Variants in SPOCK1 observed in about 807,000 individuals in gnomAD.
The protein encoded by SPOCK1 is SPARC (osteonectin), cwcv and kazal like domains proteoglycan 1.
A neutral mutation model predicts 55.3 loss-of-function variants in SPOCK1; 23 were observed. That is an observed-to-expected ratio of 0.42 (90% CI 0.30 to 0.59). The LOEUF (loss-of-function observed/expected upper bound fraction) is 0.59. SPOCK1 is among the 20% of genes least tolerant of loss of function. SPOCK1 has a pLI of 0.22. For missense variants in SPOCK1, 499 were observed against 552.5 expected (o/e 0.90, Z 0.97); for synonymous variants, 226 against 221.0 (o/e 1.02, Z -0.20).
chr5:137,362,799 T>C (rs1271759770), intron 2 of SPOCK1, among the ~76,000 whole-genome samples: 1 of 152,146 alleles, frequency 6.6e-6, no homozygotes, highest in Non-Finnish European at 1.5e-5. Context: ...ACAGGGCAGA[T>C]TTGGCCTGAG....
chr5:137,288,119 A>T (rs1757300734), intron 2 of SPOCK1, among the ~76,000 whole-genome samples: 2 of 152,164 alleles, frequency 1.3e-5, no homozygotes, highest in African/African-American at 4.8e-5. Context: ...GATGGTGCTC[A>T]CTCAGCAACA....
intron 5 of SPOCK1, among the ~76,000 whole-genome samples, chr5:137,091,025 A>AGGATCCTCT (rs1233068479): frequency 6.6e-6 from 1 of 152,218 alleles, no homozygotes; most frequent in Non-Finnish European, 1.5e-5. Context: ...ATGGGGCCAC[A>AGGATCCTCT]GGATCCTCTG....
At chr5:137,179,494 C>A (rs184489932) in intron 3 of SPOCK1, among the ~76,000 whole-genome samples, 14 of 152,308 alleles carry the variant, frequency 9.2e-5, no homozygotes, top group Admixed American at 4.6e-4. Flanking sequence ...ATCAGACCAC[C>A]CTAGGCACTT....
At chr5:137,430,970 C>A (rs1052894286) in intron 2 of SPOCK1, among the ~76,000 whole-genome samples, 1 of 152,162 alleles carries the variant, frequency 6.6e-6, no homozygotes, top group Admixed American at 6.5e-5. Context: ...AAAGCTTTTG[C>A]TTTAATTTTT....
At position 137,426,303 on chromosome 5, in the gene SPOCK1, G is replaced by A. The variant is rs115849331; in HGVS notation, c.186+72070C>T. On this transcript the variant is annotated intron_variant, in intron 2 of 10. Transcript: ENST00000394945. Reference sequence around the variant, plus strand: ...TTTACATATCAACTGCAGTCCATTTGGTGATAAGATTATCAACTGCTTACT... The same window carrying A: ...TTTACATATCAACTGCAGTCCATTTAGTGATAAGATTATCAACTGCTTACT... 3.4e-3 allele frequency among the ~76,000 whole-genome samples: 523 copies of A among 152,172 alleles called. 3 individuals carry two copies. The highest frequency in any genetic ancestry group is 0.012 in the African/African-American group (483 of 41,524).
intron 5 of SPOCK1, among the ~76,000 whole-genome samples, chr5:137,105,597 A>G (rs2127028103): frequency 6.6e-6 from 1 of 152,320 alleles, no homozygotes; most frequent in Middle Eastern, 3.4e-3. Context: ...ACTTGCCAAG[A>G]ACTTCAAACA....
intron 3 of SPOCK1, among the ~76,000 whole-genome samples, chr5:137,205,692 AG>A (rs998714661): frequency 8.5e-5 from 13 of 152,226 alleles, no homozygotes; most frequent in Non-Finnish European, 4.4e-5. Flanking sequence ...CCACCACTGA[AG>A]GTCAAACAAC....
At chr5:137,024,683 CATG>C (rs1268209635) in intron 6 of SPOCK1, among the ~76,000 whole-genome samples, 4 of 151,884 alleles carry the variant, frequency 2.6e-5, no homozygotes, top group Admixed American at 6.6e-5. Context: ...CCACTGATCT[CATG>C]ATATGTCAGT....
intron 5 of SPOCK1, among the ~76,000 whole-genome samples, chr5:137,112,166 T>C (rs1388945041): frequency 6.6e-6 from 1 of 152,186 alleles, no homozygotes; most frequent in Non-Finnish European, 1.5e-5. Context: ...TCCAGGAAGC[T>C]TGTCTAGATT....
intron 2 of SPOCK1, among the ~76,000 whole-genome samples, chr5:137,336,378 G>A (rs1308097115): frequency 6.6e-6 from 1 of 152,178 alleles, no homozygotes. Flanking sequence ...GCTGTGGGCA[G>A]CACAGCTGAC....
rs565782546 is a variant in SPOCK1 at position 137,386,434 on chromosome 5, G to A, written c.186+111939C>T. Reference sequence around the variant, plus strand: ...AATGCAATATTGAAGAACACAGTCAGAGGACTGACATTACTCAACTTTGAG... The same window carrying A: ...AATGCAATATTGAAGAACACAGTCAAAGGACTGACATTACTCAACTTTGAG... On this transcript the variant is annotated intron_variant, in intron 2 of 10. Transcript: ENST00000394945. Among the ~76,000 whole-genome samples, 3 of 150,066 alleles carry A rather than the reference G, an allele frequency of 2.0e-5. No individual in the cohort carries two copies. The South Asian group carries it at 6.4e-4, about 32-fold the overall frequency.
At chr5:137,362,118 C>A (rs569158703) in intron 2 of SPOCK1, among the ~76,000 whole-genome samples, 1 of 152,192 alleles carries the variant, frequency 6.6e-6, no homozygotes, top group African/African-American at 2.4e-5. Context: ...ATCTTCAGAG[C>A]CATCAAGACC....
chr5:137,459,375 T>C (rs534439607), intron 2 of SPOCK1, among the ~76,000 whole-genome samples: 5 of 152,010 alleles, frequency 3.3e-5, no homozygotes, highest in African/African-American at 1.2e-4. Flanking sequence ...TTAGGGGAAC[T>C]TTCCCATCAA....
At chr5:137,040,595 C>T (rs1192493456) in intron 6 of SPOCK1, among the ~76,000 whole-genome samples, 1 of 152,164 alleles carries the variant, frequency 6.6e-6, no homozygotes, top group African/African-American at 2.4e-5. Context: ...CCAGCTGAAG[C>T]CTTAGCTAAA....
Position 137,083,903 on chromosome 5 carries a change from C to T in SPOCK1, c.475-16074G>A, listed in dbSNP as rs559917116. Among the ~76,000 whole-genome samples the T allele has an allele frequency of 2.3e-3, 352 of 152,088 alleles. 3 individuals are homozygous for T. Among genetic ancestry groups the T allele is most frequent in the Admixed American group, 2.9e-3 (45 of 15,282 alleles). On this transcript the variant is annotated intron_variant, in intron 5 of 10. Coordinates refer to ENST00000394945, the MANE Select transcript of SPOCK1 (RefSeq NM_004598.4). The stretch of plus-strand genomic sequence containing the variant: ...GGGCTCTGGAGCAAGACAATATCAC[C>T]GAGAGGAAAGAATCTGGAGGCAGAC...
chr5:137,150,637 G>T (rs1266005344), intron 3 of SPOCK1, among the ~76,000 whole-genome samples: 1 of 152,212 alleles, frequency 6.6e-6, no homozygotes, highest in East Asian at 1.9e-4. Flanking sequence ...GGAATTTGGT[G>T]GCAAGGGGTA....
At chr5:137,124,945 T>C (rs1264331001) in intron 4 of SPOCK1, among the ~76,000 whole-genome samples, 2 of 152,222 alleles carry the variant, frequency 1.3e-5, no homozygotes, top group African/African-American at 2.4e-5. Flanking sequence ...TCACAGCAGA[T>C]TGACACATTA....
At chr5:137,269,483 T>C (rs1325546491) in intron 2 of SPOCK1, among the ~76,000 whole-genome samples, 5 of 152,100 alleles carry the variant, frequency 3.3e-5, no homozygotes, top group African/African-American at 9.7e-5. Flanking sequence ...CAGAGCCCAC[T>C]TGGGGGATGG....
At chr5:137,046,635 T>C (rs1752111902) in intron 6 of SPOCK1, among the ~76,000 whole-genome samples, 1 of 53,916 alleles carries the variant, frequency 1.9e-5, no homozygotes, top group South Asian at 1.3e-3. Context: ...TTTATTTCCT[T>C]CTCCTGCCTG....
Sources: allele counts gnomAD v4.1 joint callset (sites outside exome capture counted in the v4.1 genomes callset), GRCh38; gene constraint gnomAD v4.1.1; transcripts MANE v1.5; gene names NCBI Gene and HGNC (gene_info 2026-07-23, HGNC 2026-07-21).